The following LYRM7 variants were observed in gnomAD, a reference collection of about 807,000 sequenced individuals.
LYRM7 encodes the protein complex III assembly factor LYRM7.
LYRM7 carries 9 observed loss-of-function variants against 15.8 expected under a neutral mutation model. The ratio of observed to expected loss-of-function variants is 0.57; its 90% CI spans 0.34 to 0.99. The LOEUF is 0.99. LYRM7 is among the 50% of genes least tolerant of loss of function. The pLI, the probability that LYRM7 is intolerant of heterozygous loss-of-function variation, is 0.02. For missense variants in LYRM7, 115 were observed against 119.1 expected (o/e 0.97, Z 0.16); for synonymous variants, 39 against 39.4 (o/e 0.99, Z 0.04).
chr5:131,185,172 A>G (rs568779754), intron 3 of LYRM7, among the ~76,000 whole-genome samples: 1 of 152,166 alleles, frequency 6.6e-6, no homozygotes, highest in East Asian at 1.9e-4. Flanking sequence ...AAAAAAGAAA[A>G]AAAAAGGCAT....
chr5:131,183,011 TTGGTTCCAAGAATTGATA>T (rs1241621639), intron 3 of LYRM7, among the ~76,000 whole-genome samples: 2 of 152,126 alleles, frequency 1.3e-5, no homozygotes, highest in Admixed American at 6.5e-5. Flanking sequence ...AAGAATTGAT[TTGGTTCCAAGAATTGATA>T]TGGTTCCAAG....
chr5:131,197,889 TA>T (rs1755994048), intron 4 of LYRM7, among the ~76,000 whole-genome samples: 1 of 151,614 alleles, frequency 6.6e-6, no homozygotes, highest in Admixed American at 6.6e-5. Context: ...TGTGTGTAAA[TA>T]TATATATTTT....
At chr5:131,192,723 T>C (rs1027721350) in intron 4 of LYRM7, among the ~76,000 whole-genome samples, 5 of 152,202 alleles carry the variant, frequency 3.3e-5, no homozygotes, top group African/African-American at 9.7e-5. Flanking sequence ...GCTCTATTTT[T>C]TGTATTATCT....
rs539784748 is a variant in LYRM7 at position 131,179,666 on chromosome 5, T to C, written c.19-429T>C. 3.9e-5 allele frequency among the ~76,000 whole-genome samples: 6 copies of C among 152,126 alleles called. No individual in the cohort carries two copies. In the East Asian group the frequency reaches 1.2e-3, roughly 29 times the overall value. ...AAAAAAATATTTTGGCCGGGTGCAGTGGCTCACTCATGTAATCCTAGCACT... is the reference window on the plus strand; with the variant it reads ...AAAAAAATATTTTGGCCGGGTGCAGCGGCTCACTCATGTAATCCTAGCACT... On this transcript the variant is annotated intron_variant, in intron 1 of 4. Transcript: ENST00000379380.
At chr5:131,175,340 C>T (rs1299358785) in intron 1 of LYRM7, among the ~76,000 whole-genome samples, 1 of 151,862 alleles carries the variant, frequency 6.6e-6, no homozygotes. Flanking sequence ...GCTGGGATTG[C>T]AGGCATGCAC....
rs1755728593 is a variant in LYRM7 at position 131,182,374 on chromosome 5, G to C, written c.162+75G>C. ...AAGAGGAAATGATGAAGATAGAGGG[G>C]TTATGTAAAATAAAAACCATTACTT... On this transcript the variant is annotated intron_variant, in intron 3 of 4. Transcript: ENST00000379380. 4.2e-6 allele frequency: 5 copies of C among 1,199,304 alleles called. No individual in the cohort carries two copies. The East Asian group carries it at 1.9e-4, about 45-fold the overall frequency. The allele number at this position is 1,199,304 out of a possible 1,614,324, so 74.3% of individuals were successfully genotyped here. A position where few individuals can be genotyped will look rare whatever the true frequency, so the allele number is the denominator to read the frequency against.
At chr5:131,179,706 C>T (rs1580693521) in intron 1 of LYRM7, among the ~76,000 whole-genome samples, 2 of 152,016 alleles carry the variant, frequency 1.3e-5, no homozygotes, top group South Asian at 2.1e-4. Flanking sequence ...GAGGCCAAGG[C>T]GGGTGGATCA....
intron 3 of LYRM7, 39 bp from the exon 4 acceptor site, chr5:131,186,989 C>A: frequency 1.7e-6 from 2 of 1,151,756 alleles, no homozygotes; most frequent in South Asian, 1.4e-5. Flanking sequence ...ATATGAAACA[C>A]CTAAAGGACT....
At chr5:131,178,656 T>C (rs1561543332) in intron 1 of LYRM7, among the ~76,000 whole-genome samples, 1 of 152,150 alleles carries the variant, frequency 6.6e-6, no homozygotes, top group Non-Finnish European at 1.5e-5. Context: ...ATTTCACTTA[T>C]CTTTTATGAA....
chr5:131,181,318 C>T (rs56714159), intron 2 of LYRM7, among the ~76,000 whole-genome samples: 12,237 of 34,204 alleles, frequency 0.36, 2,831 homozygotes, highest in African/African-American at 0.68. Flanking sequence ...TATATATATA[C>T]ACACACACAC....
intron 2 of LYRM7, among the ~76,000 whole-genome samples, chr5:131,181,316 T>TATATATATAC (rs1208669077): frequency 5.8e-4 from 16 of 27,602 alleles, no homozygotes; most frequent in South Asian, 1.7e-3. Flanking sequence ...TATATATATA[T>TATATATATAC]ACACACACAC....
chr5:131,171,394 G>A (rs1437370822), intron 1 of LYRM7, among the ~76,000 whole-genome samples: 1 of 152,114 alleles, frequency 6.6e-6, no homozygotes, highest in Non-Finnish European at 1.5e-5. Flanking sequence ...GACGCCAAAG[G>A]CTGACCTGAG....
At chr5:131,173,065 A>T (rs1755546671) in intron 1 of LYRM7, among the ~76,000 whole-genome samples, 1 of 152,242 alleles carries the variant, frequency 6.6e-6, no homozygotes, top group Non-Finnish European at 1.5e-5. Flanking sequence ...GTTGTACTTT[A>T]AATAGCATGT....
At chr5:131,185,834 A>G (rs751741790) in intron 3 of LYRM7, among the ~76,000 whole-genome samples, 2 of 152,206 alleles carry the variant, frequency 1.3e-5, no homozygotes, top group African/African-American at 2.4e-5. Context: ...TTGTGAAGCT[A>G]TCAAGCTTAC....
At chr5:131,177,982 A>G (rs1484791441) in intron 1 of LYRM7, among the ~76,000 whole-genome samples, 2 of 152,048 alleles carry the variant, frequency 1.3e-5, no homozygotes, top group Non-Finnish European at 2.9e-5. Flanking sequence ...GATAGCCAAG[A>G]GCTTTTGGGA....
At chr5:131,173,037 C>T (rs1755546426) in intron 1 of LYRM7, among the ~76,000 whole-genome samples, 1 of 152,146 alleles carries the variant, frequency 6.6e-6, no homozygotes, top group Non-Finnish European at 1.5e-5. Context: ...ATTAGGGATG[C>T]TAATTTGTTG....
At chr5:131,179,386 G>A (rs548004417) in intron 1 of LYRM7, among the ~76,000 whole-genome samples, 15 of 150,670 alleles carry the variant, frequency 1.0e-4, no homozygotes, top group African/African-American at 3.4e-4. Context: ...CTTATAATAC[G>A]ATTTGTGTGA....
In LYRM7 at chr5:131,197,541, C is replaced by CTTTTTT. The variant is rs60003952; in HGVS notation, c.245-1973_245-1968dup. Among the ~76,000 whole-genome samples the CTTTTTT allele has an allele frequency of 9.4e-4, 85 of 90,728 alleles. 1 individual carries two copies. Among genetic ancestry groups the CTTTTTT allele is most frequent in the African/African-American group, 1.2e-3 (27 of 23,246 alleles). 59.5% of individuals were successfully genotyped at this position (90,728 alleles called of 152,430 possible). A position where few individuals can be genotyped will look rare whatever the true frequency, so the allele number is the denominator to read the frequency against. ...AATTTGTTTTAGTGTTGTCTTCTGT[C>CTTTTTT]TTTTTTTTTTTTTTTTTTTTTTGAG... is the stretch of plus-strand genomic sequence containing the variant. On this transcript the variant is annotated intron_variant, in intron 4 of 4. Coordinates refer to ENST00000379380, the MANE Select transcript of LYRM7 (RefSeq NM_181705.4).
chr5:131,194,273 A>C (rs1580700017), intron 4 of LYRM7, among the ~76,000 whole-genome samples: 1 of 152,368 alleles, frequency 6.6e-6, no homozygotes, highest in East Asian at 1.9e-4. Flanking sequence ...CATTTGACCT[A>C]ATTAAAGTGT....
Sources: gnomAD v4.1 joint callset for allele counts (sites outside exome capture counted in the v4.1 genomes callset) on GRCh38, gnomAD v4.1.1 for gene constraint, MANE v1.5 for transcripts, NCBI Gene and HGNC (gene_info 2026-07-23, HGNC 2026-07-21) for gene names.